Variants in OR56A3 observed in about 807,000 individuals in gnomAD.
The protein encoded by OR56A3 is olfactory receptor 56A3.
Under a neutral mutation model 17.5 loss-of-function variants are expected in OR56A3, and 23 were observed. The observed-to-expected ratio is 1.32, with a 90% CI of 0.95 to 1.87. OR56A3 has a LOEUF of 1.87. Among genes scored for constraint, OR56A3 ranks in the 40% most tolerant of loss-of-function variants. The probability of loss-of-function intolerance (pLI) is 0.00; values close to 1 mark genes in which losing one functional copy is unlikely to be tolerated. For missense variants in OR56A3, 366 were observed against 380.1 expected, an observed-to-expected ratio of 0.96 and a Z score of 0.31; for synonymous variants, 175 against 150.6, an observed-to-expected ratio of 1.16 and a Z score of -1.19.
the OR56A3 span, among the ~76,000 whole-genome samples, chr11:5,966,207 C>CAA: frequency 7.2e-3 from 461 of 63,922 alleles, 4 homozygotes; most frequent in African/African-American, 0.023. Flanking sequence ...CCCGTCTCTA[C>CAA]AAAAAAAAAA....
chr11:5,969,651 T>C, the OR56A3 span, among the ~76,000 whole-genome samples: 1 of 152,236 alleles, frequency 6.6e-6, no homozygotes, highest in Non-Finnish European at 1.5e-5. Context: ...TGTTCAAGTC[T>C]CTCATATCTT....
At chr11:5,992,266 C>T in the OR56A3 span, among the ~76,000 whole-genome samples, 1 of 152,182 alleles carries the variant, frequency 6.6e-6, no homozygotes, top group African/African-American at 2.4e-5. Flanking sequence ...AGAGAGAGCC[C>T]TCACCATAGT....
At chr11:5,973,975 G>A in the OR56A3 span, among the ~76,000 whole-genome samples, 1 of 152,332 alleles carries the variant, frequency 6.6e-6, no homozygotes, top group Admixed American at 6.5e-5. Context: ...TAAGTTTGAG[G>A]AATGTTGCTG....
chr11:5,978,277 T>A, the OR56A3 span, among the ~76,000 whole-genome samples: 1 of 152,188 alleles, frequency 6.6e-6, no homozygotes, highest in Non-Finnish European at 1.5e-5. Flanking sequence ...TAGTATTGAA[T>A]CTCTAAATTG....
chr11:6,018,467 G>A, the OR56A3 span, among the ~76,000 whole-genome samples: 1 of 151,932 alleles, frequency 6.6e-6, no homozygotes, highest in African/African-American at 2.4e-5. Context: ...TGAAGAAATT[G>A]AGAATAAAAT....
At chr11:5,999,915 C>T in the OR56A3 span, 1 of 152,166 alleles carries the variant, frequency 6.6e-6, no homozygotes, top group Admixed American at 6.5e-5. Context: ...GGAAGGAAGA[C>T]CTACTGTGGG....
At chr11:6,014,669 G>A in the OR56A3 span, among the ~76,000 whole-genome samples, 1 of 152,142 alleles carries the variant, frequency 6.6e-6, no homozygotes, top group Non-Finnish European at 1.5e-5. Flanking sequence ...TTGGAAGAAT[G>A]TGGAGGGCTC....
At chr11:5,984,103 G>A in the OR56A3 span, among the ~76,000 whole-genome samples, 1 of 152,170 alleles carries the variant, frequency 6.6e-6, no homozygotes, top group Non-Finnish European at 1.5e-5. Context: ...GTAGGAAGAG[G>A]TGCAAAGATT....
At chr11:6,017,538 T>A in the OR56A3 span, among the ~76,000 whole-genome samples, 1 of 152,138 alleles carries the variant, frequency 6.6e-6, no homozygotes, top group African/African-American at 2.4e-5. Flanking sequence ...AGAAAAATAC[T>A]GCTAACCAAG....
At chr11:6,002,321 T>C in the OR56A3 span, 12 of 1,613,992 alleles carry the variant, frequency 7.4e-6, no homozygotes, top group South Asian at 1.2e-4. Flanking sequence ...CAACTTTCAA[T>C]ATAAAAGAAT....
At chr11:5,991,634 T>C in the OR56A3 span, among the ~76,000 whole-genome samples, 42 of 152,292 alleles carry the variant, frequency 2.8e-4, no homozygotes, top group African/African-American at 1.0e-3. Flanking sequence ...AAATAACCCC[T>C]GTCACAAGGG....
At chr11:5,965,191 AAAT>A in the OR56A3 span, among the ~76,000 whole-genome samples, 1 of 152,246 alleles carries the variant, frequency 6.6e-6, no homozygotes, top group Non-Finnish European at 1.5e-5. Context: ...GTGCATTAGA[AAAT>A]AATAAAATTA....
chr11:6,000,704 A>C, the OR56A3 span: 1 of 152,210 alleles, frequency 6.6e-6, no homozygotes, highest in Non-Finnish European at 1.5e-5. Flanking sequence ...AGAAGCATCA[A>C]ATGATTGAAG....
chr11:5,985,655 G>A, the OR56A3 span, among the ~76,000 whole-genome samples: 1 of 152,152 alleles, frequency 6.6e-6, no homozygotes, highest in Non-Finnish European at 1.5e-5. Context: ...CACATTCAGA[G>A]CTATCATCTA....
the OR56A3 span, chr11:6,019,631 C>A: frequency 6.6e-6 from 1 of 152,016 alleles, no homozygotes; most frequent in Non-Finnish European, 1.5e-5. Flanking sequence ...GATTCATTCA[C>A]TATCATGAGA....
At chr11:5,954,779 C>T (rs1209521644), downstream of OR56A3, among the ~76,000 whole-genome samples, 2 of 151,948 alleles carry the variant, frequency 1.3e-5, no homozygotes, top group Admixed American at 6.5e-5. Flanking sequence ...ACATACAGCC[C>T]TAGATTTCTC....
At chr11:6,013,738 C>G in the OR56A3 span, among the ~76,000 whole-genome samples, 1 of 152,098 alleles carries the variant, frequency 6.6e-6, no homozygotes, top group South Asian at 2.1e-4. Context: ...TTCTACCCCA[C>G]TCATCATAGC....
the OR56A3 span, among the ~76,000 whole-genome samples, chr11:6,003,746 AATG>A: frequency 6.6e-6 from 1 of 152,190 alleles, no homozygotes; most frequent in African/African-American, 2.4e-5. Context: ...CGTTGTGTGA[AATG>A]ATGTTACATG....
At chr11:5,946,028 A>G (rs1209638042) in intron 2 of OR56A3, among the ~76,000 whole-genome samples, 3 of 152,214 alleles carry the variant, frequency 2.0e-5, no homozygotes, top group Non-Finnish European at 4.4e-5. Flanking sequence ...AAATATGCAC[A>G]ATAAAACTGC....
Sources: allele counts gnomAD v4.1 joint callset (sites outside exome capture counted in the v4.1 genomes callset), GRCh38; gene constraint gnomAD v4.1.1; transcripts MANE v1.5; gene names NCBI Gene and HGNC (gene_info 2026-07-23, HGNC 2026-07-21).